Variants in ZNF697 observed in about 807,000 individuals in gnomAD.
ZNF697 encodes zinc finger protein 697.
A neutral mutation model predicts 32.4 loss-of-function variants in ZNF697; 23 were observed. That is an observed-to-expected ratio of 0.71 (90% CI 0.51 to 1.01). The LOEUF (loss-of-function observed/expected upper bound fraction) is 1.01, where lower values mean the gene tolerates loss of function less well. ZNF697 is among the 50% of genes least tolerant of loss of function. The pLI is 0.00. For missense variants in ZNF697, 930 were observed against 794.0 expected (o/e 1.17, Z -2.06); for synonymous variants, 418 against 337.2 (o/e 1.24, Z -2.62).
rs1228984007 is a variant in ZNF697 at position 119,623,705 on chromosome 1, A to G, written c.638T>C (p.Leu213Pro). The G allele has an allele frequency of 7.1e-7, 1 of 1,400,446 alleles. No homozygotes were observed. The highest frequency in any genetic ancestry group is 9.4e-7 in the Non-Finnish European group (1 of 1,061,788). The allele number at this position is 1,400,446 out of a possible 1,614,324, so 86.8% of individuals were successfully genotyped here. A position where few individuals can be genotyped will look rare whatever the true frequency, so the allele number is the denominator to read the frequency against. Residue 213 changes from leucine (L) to proline (P), a missense_variant, in exon 3 of 3, where the codon CTG becomes CCG. By Grantham distance (98) the Leu-to-Pro change is moderately conservative. Transcript: ENST00000421812. The part of the protein sequence containing the change: ...AFLQHQRIHR[L>P]AEAAAAASLE... ...GCTGGCGGCGGCAGCGGCCTCAGCCAGGCGGTGAATGCGCTGGTGCTGCAG... is the reference window on the plus strand; with the variant it reads ...GCTGGCGGCGGCAGCGGCCTCAGCCGGGCGGTGAATGCGCTGGTGCTGCAG...
chr1:119,629,606 G>T (rs1179078745), intron 1 of ZNF697, among the ~76,000 whole-genome samples: 1 of 152,116 alleles, frequency 6.6e-6, no homozygotes, highest in African/African-American at 2.4e-5. Context: ...TACCTTGCAG[G>T]GTTGTTTCTC....
At position 119,622,972 on chromosome 1, in the gene ZNF697, G is replaced by A. The variant is rs1418505864; in HGVS notation, c.1371C>T (p.Arg457=). ...GRNSHLVNHL[R]VHTGEKPFRC... ...GGAAGGGCTTCTCGCCGGTGTGCAC[G>A]CGCAGGTGGTTCACCAGGTGCGAGT... Residue 457 remains arginine (R), a synonymous_variant, in exon 3 of 3, where the codon CGC becomes CGT. Coordinates refer to ENST00000421812, the MANE Select transcript of ZNF697 (RefSeq NM_001080470.2). 2 of 1,600,208 alleles carry A rather than the reference G, an allele frequency of 1.2e-6. No individual in the cohort carries two copies. Among genetic ancestry groups the A allele is most frequent in the South Asian group, 2.2e-5 (2 of 89,702 alleles).
At position 119,623,151 on chromosome 1, in the gene ZNF697, TCAC is replaced by T. The variant is rs779001527; in HGVS notation, c.1189_1191del (p.Val397del). Reference sequence around the variant, plus strand: ...TCGCCCGTGTGCACGCGCTGGTGCTTCACCAAGTCCGAGCGCCAGCTGAAGCGC... The same window carrying T: ...TCGCCCGTGTGCACGCGCTGGTGCTTCAAGTCCGAGCGCCAGCTGAAGCGC... On this transcript the variant is annotated inframe_deletion, in exon 3 of 3. Coordinates refer to ENST00000421812, the MANE Select transcript of ZNF697 (RefSeq NM_001080470.2). The T allele has an allele frequency of 2.5e-6, 4 of 1,582,980 alleles. No individual in the cohort carries two copies. Among genetic ancestry groups the T allele is most frequent in the Admixed American group, 3.6e-5 (2 of 55,818 alleles).
At chr1:119,638,045 A>T (rs991066866) in intron 1 of ZNF697, among the ~76,000 whole-genome samples, 9 of 152,212 alleles carry the variant, frequency 5.9e-5, no homozygotes, top group Non-Finnish European at 8.8e-5. Context: ...TATACCATTT[A>T]AAAAAATCTT....
chr1:119,624,473 A>G (rs999349348), intron 2 of ZNF697, among the ~76,000 whole-genome samples: 1 of 152,254 alleles, frequency 6.6e-6, no homozygotes, highest in Admixed American at 6.5e-5. Flanking sequence ...TCTCAGGAGA[A>G]AAGGTTTACT....
At chr1:119,626,298 A>G (rs923905778) in intron 1 of ZNF697, among the ~76,000 whole-genome samples, 161 bp from the exon 2 acceptor site, 6 of 152,180 alleles carry the variant, frequency 3.9e-5, no homozygotes, top group African/African-American at 4.8e-5. Context: ...GTGAGTGCAA[A>G]GGAGGGTGGA....
At chr1:119,638,686 C>A (rs1302174326) in intron 1 of ZNF697, among the ~76,000 whole-genome samples, 2 of 152,170 alleles carry the variant, frequency 1.3e-5, no homozygotes, top group African/African-American at 2.4e-5. Flanking sequence ...TTATACAGCT[C>A]TTCTATCCAA....
chr1:119,622,568 A>G lies in ZNF697; in HGVS notation c.*137T>C, dbSNP rs903982740. 2.4e-5 allele frequency: 34 copies of G among 1,407,590 alleles called. No individual in the cohort carries two copies. In the Admixed American group the frequency reaches 1.0e-3, roughly 41 times the overall value. The allele number at this position is 1,407,590 out of a possible 1,614,324, so 87.2% of individuals were successfully genotyped here. A position where few individuals can be genotyped will look rare whatever the true frequency, so the allele number is the denominator to read the frequency against. ...CTCAACACTCCTCCCACTTCAGGAA[A>G]CCCCAAACACCAAAGGCTCCCCAGT... On this transcript the variant is annotated 3_prime_UTR_variant, in exon 3 of 3. Coordinates refer to ENST00000421812, the MANE Select transcript of ZNF697 (RefSeq NM_001080470.2).
chr1:119,634,348 T>C (rs769821022), intron 1 of ZNF697, among the ~76,000 whole-genome samples: 4 of 152,210 alleles, frequency 2.6e-5, no homozygotes, highest in Non-Finnish European at 5.9e-5. Context: ...TTTGGTGTTG[T>C]TGATGAAGAA....
At position 119,623,542 on chromosome 1, in the gene ZNF697, G is replaced by A. The variant is rs1351785692; in HGVS notation, c.801C>T (p.Gly267=). The A allele has an allele frequency of 6.5e-7, 1 of 1,545,626 alleles. No individual in the cohort carries two copies. Among genetic ancestry groups the A allele is most frequent in the South Asian group, 1.2e-5 (1 of 84,592 alleles). ...GGTAGGTGTTGCGGCTGAAGCCCTT[G>A]CCGCACTCCCCGCAGCGGAAGGGCT... ...REKPFRCGEC[G]KGFSRNTYLT... is the part of the protein sequence containing the mutation. The change falls in exon 3 of 3, where the codon GGC becomes GGT. Residue 267 remains glycine, a synonymous_variant. Coordinates refer to ENST00000421812, the MANE Select transcript of ZNF697 (RefSeq NM_001080470.2).
chr1:119,632,420 G>A (rs1206376661), intron 1 of ZNF697, among the ~76,000 whole-genome samples: 1 of 152,224 alleles, frequency 6.6e-6, no homozygotes, highest in African/African-American at 2.4e-5. Context: ...CTCCAGACAA[G>A]AGGAGCTAAA....
Position 119,622,570 on chromosome 1 carries a change from C to T in ZNF697, c.*135G>A. 1 of 1,413,670 alleles carries T rather than the reference C, an allele frequency of 7.1e-7. No homozygotes were observed. The highest frequency in any genetic ancestry group is 9.2e-7 in the Non-Finnish European group (1 of 1,083,234). 87.6% of individuals were successfully genotyped at this position (1,413,670 alleles called of 1,614,324 possible). On this transcript the variant is annotated 3_prime_UTR_variant, in exon 3 of 3. Coordinates refer to ENST00000421812, the MANE Select transcript of ZNF697 (RefSeq NM_001080470.2). ...CAACACTCCTCCCACTTCAGGAAAC[C>T]CCAAACACCAAAGGCTCCCCAGTCA...
intron 1 of ZNF697, among the ~76,000 whole-genome samples, chr1:119,646,882 G>A (rs1570952461): frequency 6.6e-6 from 1 of 152,108 alleles, no homozygotes. Flanking sequence ...CATTTAACTC[G>A]CTAGCCATTA....
chr1:119,637,226 A>G (rs902747565), intron 1 of ZNF697, among the ~76,000 whole-genome samples: 1 of 152,256 alleles, frequency 6.6e-6, no homozygotes, highest in Non-Finnish European at 1.5e-5. Flanking sequence ...GAGTTACACA[A>G]AACTGCAACA....
intron 1 of ZNF697, among the ~76,000 whole-genome samples, chr1:119,632,296 C>G (rs186572212): frequency 2.0e-5 from 3 of 152,316 alleles, no homozygotes; most frequent in African/African-American, 7.2e-5. Flanking sequence ...GGCACAAACC[C>G]AGACTGCCCA....
intron 1 of ZNF697, among the ~76,000 whole-genome samples, chr1:119,629,393 C>T (rs890877625): frequency 6.6e-6 from 1 of 152,204 alleles, no homozygotes; most frequent in East Asian, 1.9e-4. Flanking sequence ...CTTTCCCATT[C>T]ATTCTCAAAA....
chr1:119,622,903 G>A lies in ZNF697; in HGVS notation c.1440C>T (p.Leu480=), dbSNP rs768903895. ...CEKRFSDFST[L]TQHQRTHTGE... ...CCGTGTGCGTGCGCTGGTGCTGCGT[G>A]AGCGTGGAGAAGTCGCTGAAGCGCT... is the stretch of plus-strand genomic sequence containing the variant. The change falls in exon 3 of 3, where the codon CTC becomes CTT. Residue 480 remains leucine, a synonymous_variant. Transcript: ENST00000421812. 12 of 1,598,882 alleles carry A rather than the reference G, an allele frequency of 7.5e-6. No homozygotes were observed. In the Admixed American group the frequency reaches 1.2e-4, roughly 16 times the overall value.
At position 119,648,172 on chromosome 1, in the gene ZNF697, C is replaced by G. The variant is rs1649269183; in HGVS notation, c.-519G>C. ...CCTTGTGCGGCGGCGGCGGCTGCAG[C>G]GGCCGCTGGGTGGCCCGCTGGCTGG... On this transcript the variant is annotated 5_prime_UTR_variant, in exon 1 of 3. Coordinates refer to ENST00000421812, the MANE Select transcript of ZNF697 (RefSeq NM_001080470.2). Among the ~76,000 whole-genome samples the G allele has an allele frequency of 6.6e-6, 1 of 150,742 alleles. No homozygotes were observed. Among genetic ancestry groups the G allele is most frequent in the East Asian group, 2.0e-4 (1 of 5,076 alleles).
chr1:119,630,984 C>G (rs1415274213), intron 1 of ZNF697, among the ~76,000 whole-genome samples: 2 of 152,332 alleles, frequency 1.3e-5, no homozygotes, highest in African/African-American at 2.4e-5. Flanking sequence ...TTCGCCAAAT[C>G]CCCCACTTTG....
Sources: gnomAD v4.1 joint callset for allele counts (sites outside exome capture counted in the v4.1 genomes callset) on GRCh38, gnomAD v4.1.1 for gene constraint, MANE v1.5 for transcripts, NCBI Gene and HGNC (gene_info 2026-07-23, HGNC 2026-07-21) for gene names.